The following PTK2 variants were observed in gnomAD, a reference collection of about 807,000 sequenced individuals.
PTK2 encodes protein tyrosine kinase 2, also known as focal adhesion kinase 1.
In PTK2, 45 loss-of-function variants were observed where a neutral mutation model predicts 150.1. The observed-to-expected ratio is 0.30, with a 90% CI of 0.24 to 0.38. PTK2 has a LOEUF of 0.38. PTK2 is among the 10% of genes least tolerant of loss of function. PTK2 has a pLI of 1.00. For synonymous variants in PTK2, 432 were observed against 449.2 expected, an observed-to-expected ratio of 0.96 and a Z score of 0.48; for missense variants, 919 against 1,307.3, an observed-to-expected ratio of 0.70 and a Z score of 4.58.
chr8:140,893,499 A>G (rs899678401), intron 2 of PTK2, among the ~76,000 whole-genome samples: 9 of 152,374 alleles, frequency 5.9e-5, no homozygotes, highest in Non-Finnish European at 1.3e-4. Context: ...CGCAACATGG[A>G]GGAACCTTGA....
At chr8:140,803,585 G>T in exon 11 of PTK2, 1 of 1,613,912 alleles carries the variant, frequency 6.2e-7, no homozygotes, top group Non-Finnish European at 8.5e-7. Flanking sequence ...TTCCTTTTCT[G>T]TCCTTGTCTT....
chr8:140,812,372 G>C (rs2100102096), intron 10 of PTK2, among the ~76,000 whole-genome samples: 1 of 152,182 alleles, frequency 6.6e-6, no homozygotes, highest in African/African-American at 2.4e-5. Context: ...GTTACCATGA[G>C]ACCTGCCTTA....
At chr8:140,819,113 T>G in intron 8 of PTK2, 93 bp from the exon 9 acceptor site, 1 of 1,223,772 alleles carries the variant, frequency 8.2e-7, no homozygotes, top group Non-Finnish European at 1.1e-6. Context: ...ACCAACTACT[T>G]ACTAACACCT....
chr8:140,912,317 A>C (rs2100163515), intron 2 of PTK2, among the ~76,000 whole-genome samples: 1 of 151,852 alleles, frequency 6.6e-6, no homozygotes, highest in Non-Finnish European at 1.5e-5. Context: ...TTATCTCAGC[A>C]ATGCAGGTTG....
intron 16 of PTK2, among the ~76,000 whole-genome samples, chr8:140,752,619 A>C (rs967195251): frequency 6.6e-6 from 1 of 152,254 alleles, no homozygotes; most frequent in Non-Finnish European, 1.5e-5. Flanking sequence ...TGAACAGCAG[A>C]GGCAGCAGTC....
At chr8:140,899,094 T>C (rs1456883434) in intron 2 of PTK2, among the ~76,000 whole-genome samples, 1 of 152,206 alleles carries the variant, frequency 6.6e-6, no homozygotes, top group Non-Finnish European at 1.5e-5. Context: ...AATTTCCTGA[T>C]TTTACTAGAC....
chr8:140,981,321 A>T (rs2100191341), intron 1 of PTK2, among the ~76,000 whole-genome samples: 1 of 152,038 alleles, frequency 6.6e-6, no homozygotes. Context: ...CCAAGGAAGG[A>T]TGTCTTCAGG....
rs1016743686 is a variant in PTK2 at position 140,882,112 on chromosome 8, C to T, written c.196-2475G>A. On this transcript the variant is annotated intron_variant, in intron 3 of 31. Coordinates refer to ENST00000522684, the Ensembl canonical transcript of PTK2. Reference sequence around the variant, plus strand: ...CGCATCCATATCGTACTCTGTCCTACTGCTCATTCTCTAGCACCCTTATAA... The same window carrying T: ...CGCATCCATATCGTACTCTGTCCTATTGCTCATTCTCTAGCACCCTTATAA... 5.3e-5 allele frequency among the ~76,000 whole-genome samples: 8 copies of T among 152,322 alleles called. No homozygotes were observed. In the East Asian group the frequency reaches 1.5e-3, roughly 29 times the overall value.
chr8:140,757,238 C>T (rs937161199), intron 16 of PTK2, among the ~76,000 whole-genome samples: 2 of 152,034 alleles, frequency 1.3e-5, no homozygotes, highest in Non-Finnish European at 2.9e-5. Flanking sequence ...CCTTATCTCC[C>T]CCAATCTCAA....
chr8:140,774,098 G>C (rs534109057), intron 14 of PTK2, among the ~76,000 whole-genome samples: 1 of 152,142 alleles, frequency 6.6e-6, no homozygotes, highest in Non-Finnish European at 1.5e-5. Flanking sequence ...CTTTTAGAAG[G>C]CTCCCAGGAA....
intron 13 of PTK2, 62 bp downstream of exon 13, chr8:140,793,292 A>G: frequency 6.5e-7 from 1 of 1,537,976 alleles, no homozygotes; most frequent in East Asian, 2.3e-5. Flanking sequence ...ATAATAAAGC[A>G]TAGAAATTTC....
intron 4 of PTK2, among the ~76,000 whole-genome samples, chr8:140,869,791 T>G (rs913573656): frequency 6.6e-6 from 1 of 151,588 alleles, no homozygotes; most frequent in African/African-American, 2.4e-5. Flanking sequence ...ACAGAAAGAA[T>G]AGATGAAGAT....
At chr8:140,892,390 G>T (rs1422609004) in intron 2 of PTK2, among the ~76,000 whole-genome samples, 1 of 152,014 alleles carries the variant, frequency 6.6e-6, no homozygotes, top group African/African-American at 2.4e-5. Flanking sequence ...ACAATAAAGA[G>T]CCAGGAGTCG....
chr8:140,736,744 C>T lies in PTK2; in HGVS notation c.1826-1289G>A, dbSNP rs139619878. Among the ~76,000 whole-genome samples, 24 of 152,296 alleles carry T rather than the reference C, an allele frequency of 1.6e-4. No individual in the cohort carries two copies. The East Asian group carries it at 3.3e-3, about 21-fold the overall frequency. ...CAAAAACATCCCTTTACCTTCCTCA[C>T]AAGCTCTCTTCTTTGTAGGTACATT... is the stretch of plus-strand genomic sequence containing the variant. On this transcript the variant is annotated intron_variant, in intron 21 of 31. Coordinates refer to ENST00000522684, the Ensembl canonical transcript of PTK2.
At chr8:140,746,855 T>C (rs937213601) in exon 18 of PTK2, 5 of 1,602,528 alleles carry the variant, frequency 3.1e-6, no homozygotes, top group African/African-American at 1.3e-5. Flanking sequence ...AACTGACGCA[T>C]TGTTACTAGG....
intron 5 of PTK2, among the ~76,000 whole-genome samples, chr8:140,856,273 G>C (rs754433013): frequency 7.2e-5 from 11 of 152,092 alleles, no homozygotes; most frequent in Non-Finnish European, 1.3e-4. Context: ...AAGGATCAAA[G>C]GGTAGATACA....
At chr8:140,734,837 G>C (rs749284641) in intron 22 of PTK2, 46 of 488,776 alleles carry the variant, frequency 9.4e-5, no homozygotes, top group Non-Finnish European at 1.5e-4. Flanking sequence ...GGGATTTCTG[G>C]GAGTGAAGAC....
chr8:140,877,725 T>C (rs2100146518), intron 4 of PTK2, among the ~76,000 whole-genome samples: 1 of 152,034 alleles, frequency 6.6e-6, no homozygotes, highest in Admixed American at 6.6e-5. Context: ...GTAGGGTCAA[T>C]CTGTGAGAAA....
chr8:140,741,950 C>T (rs889863939), intron 20 of PTK2, among the ~76,000 whole-genome samples: 7 of 152,046 alleles, frequency 4.6e-5, no homozygotes, highest in Non-Finnish European at 1.0e-4. Flanking sequence ...CAAAGACCAG[C>T]CTAGGCAACA....
Sources: allele counts gnomAD v4.1 joint callset (sites outside exome capture counted in the v4.1 genomes callset), GRCh38; gene constraint gnomAD v4.1.1; transcripts MANE v1.5; gene names NCBI Gene and HGNC (gene_info 2026-07-23, HGNC 2026-07-21).